Variants in SUGCT observed in about 807,000 individuals in gnomAD.
The protein encoded by SUGCT is succinyl-CoA:glutarate-CoA transferase.
SUGCT carries 41 observed loss-of-function variants against 55.0 expected under a neutral mutation model. The observed-to-expected ratio is 0.74, with a 90% CI of 0.58 to 0.97. The LOEUF is 0.97. Among genes scored for constraint, SUGCT ranks in the 50% least tolerant of loss-of-function variants. The pLI, the probability that SUGCT is intolerant of heterozygous loss-of-function variation, is 0.00. For synonymous variants in SUGCT, 187 were observed against 200.4 expected (o/e 0.93, Z 0.56); for missense variants, 568 against 547.8 (o/e 1.04, Z -0.37).
chr7:40,313,811 C>T (rs192442063), intron 8 of SUGCT, among the ~76,000 whole-genome samples: 5 of 151,194 alleles, frequency 3.3e-5, no homozygotes, highest in African/African-American at 9.7e-5. Flanking sequence ...AGGTGGGTCT[C>T]GAACTCCTGG....
chr7:40,156,043 G>C (rs1783877266), intron 1 of SUGCT, among the ~76,000 whole-genome samples: 1 of 151,972 alleles, frequency 6.6e-6, no homozygotes, highest in South Asian at 2.1e-4. Context: ...TTTTAGTAGG[G>C]ACGGGGTTTC....
intron 9 of SUGCT, among the ~76,000 whole-genome samples, chr7:40,371,618 A>G (rs1471600711): frequency 6.6e-6 from 1 of 152,178 alleles, no homozygotes; most frequent in Non-Finnish European, 1.5e-5. Flanking sequence ...TACATTGTTT[A>G]AAAATATTAC....
At chr7:40,658,254 C>A (rs1801125228) in intron 12 of SUGCT, among the ~76,000 whole-genome samples, 2 of 152,162 alleles carry the variant, frequency 1.3e-5, no homozygotes, top group African/African-American at 4.8e-5. Context: ...ATTGAGGAGT[C>A]TCAACTCTGA....
intron 9 of SUGCT, among the ~76,000 whole-genome samples, chr7:40,349,394 G>A (rs979697102): frequency 3.9e-5 from 6 of 151,994 alleles, no homozygotes; most frequent in African/African-American, 1.2e-4. Flanking sequence ...TGTTGCCCAG[G>A]CTGGAGTGCA....
intron 3 of SUGCT, among the ~76,000 whole-genome samples, chr7:40,183,749 T>G (rs1255572125): frequency 6.6e-6 from 1 of 152,226 alleles, no homozygotes; most frequent in East Asian, 1.9e-4. Flanking sequence ...ATCTGACATC[T>G]TTCCTGTTCT....
intron 1 of SUGCT, among the ~76,000 whole-genome samples, chr7:40,173,707 C>T (rs1472187197): frequency 2.0e-5 from 3 of 152,026 alleles, no homozygotes; most frequent in Non-Finnish European, 4.4e-5. Flanking sequence ...GTCACCTTCC[C>T]AGCTAGTCTT....
At chr7:40,834,296 G>A (rs1792849742) in intron 13 of SUGCT, among the ~76,000 whole-genome samples, 1 of 152,062 alleles carries the variant, frequency 6.6e-6, no homozygotes, top group Admixed American at 6.5e-5. Flanking sequence ...AAAGACATAC[G>A]CTTGGACCCC....
At chr7:40,499,234 GA>G (rs1379070465) in intron 12 of SUGCT, 4 of 396,416 alleles carry the variant, frequency 1.0e-5, no homozygotes, top group Non-Finnish European at 2.1e-5. Context: ...TTGATAAAGT[GA>G]AAAGGGGTAT....
intron 12 of SUGCT, among the ~76,000 whole-genome samples, chr7:40,542,345 T>G (rs1794737110): frequency 1.3e-5 from 2 of 152,124 alleles, no homozygotes; most frequent in South Asian, 4.1e-4. Flanking sequence ...CCTAGAGTCA[T>G]GAGGAACAGC....
At chr7:40,624,772 A>AACACACACACACACAC (rs71791486) in intron 12 of SUGCT, among the ~76,000 whole-genome samples, 12 of 137,394 alleles carry the variant, frequency 8.7e-5, no homozygotes, top group African/African-American at 3.1e-4. Flanking sequence ...TTTCTGTGCA[A>AACACACACACACACAC]ACACACACAC....
Position 40,820,262 on chromosome 7 carries a change from C to T in SUGCT, c.1154-40054C>T, listed in dbSNP as rs555676591. On this transcript the variant is annotated intron_variant, in intron 13 of 13. Transcript: ENST00000335693. ...GACAATGTGGGCTCTTTTTTGGTTC[C>T]ATATGAACTTTAAAGTAGTTTTTTT... Among the ~76,000 whole-genome samples the T allele has an allele frequency of 1.9e-3, 279 of 144,062 alleles. 1 individual carries two copies. Among genetic ancestry groups the T allele is most frequent in the African/African-American group, 6.6e-3 (267 of 40,598 alleles). The allele number at this position is 144,062 out of a possible 152,430, so 94.5% of individuals were successfully genotyped here. A position where few individuals can be genotyped will look rare whatever the true frequency, so the allele number is the denominator to read the frequency against.
chr7:40,141,710 CTTTT>C (rs61007273), intron 1 of SUGCT: 28 of 150,110 alleles, frequency 1.9e-4, no homozygotes, highest in South Asian at 2.7e-4. Context: ...AGAGGGAATT[CTTTT>C]TTTTTTTTTT....
chr7:40,970,493 G>A, the SUGCT span, among the ~76,000 whole-genome samples: 1 of 152,160 alleles, frequency 6.6e-6, no homozygotes, highest in Non-Finnish European at 1.5e-5. Flanking sequence ...TTTTAACTAT[G>A]TATTTTTTTC....
intron 1 of SUGCT, among the ~76,000 whole-genome samples, chr7:40,144,786 T>G (rs1788160262): frequency 6.6e-6 from 1 of 152,206 alleles, no homozygotes; most frequent in Admixed American, 6.5e-5. Flanking sequence ...CCTATTTTTA[T>G]TAGTTTTTAG....
chr7:40,551,620 A>T (rs967049084), intron 12 of SUGCT, among the ~76,000 whole-genome samples: 2 of 152,202 alleles, frequency 1.3e-5, no homozygotes, highest in African/African-American at 4.8e-5. Context: ...GGGCACCATA[A>T]GTGATCACTC....
chr7:40,899,985 G>A, the SUGCT span, among the ~76,000 whole-genome samples: 2 of 152,156 alleles, frequency 1.3e-5, no homozygotes, highest in Non-Finnish European at 2.9e-5. Flanking sequence ...GGGGGGTAGT[G>A]GGTGGGCCCT....
At chr7:40,839,866 T>C (rs761144294) in intron 13 of SUGCT, among the ~76,000 whole-genome samples, 1 of 152,146 alleles carries the variant, frequency 6.6e-6, no homozygotes, top group African/African-American at 2.4e-5. Flanking sequence ...AGACCAGTGA[T>C]GTGCCAGTGA....
chr7:40,742,322 T>A (rs1270015373), intron 12 of SUGCT, among the ~76,000 whole-genome samples: 1 of 152,200 alleles, frequency 6.6e-6, no homozygotes, highest in Non-Finnish European at 1.5e-5. Flanking sequence ...CTTTTACATG[T>A]GATCTTCATT....
chr7:40,953,097 C>T, the SUGCT span, among the ~76,000 whole-genome samples: 19 of 152,284 alleles, frequency 1.2e-4, no homozygotes, highest in South Asian at 6.2e-4. Flanking sequence ...ACCAATCAGA[C>T]GTAGATTTGG....
Sources: gnomAD v4.1 joint callset for allele counts (sites outside exome capture counted in the v4.1 genomes callset) on GRCh38, gnomAD v4.1.1 for gene constraint, MANE v1.5 for transcripts, NCBI Gene and HGNC (gene_info 2026-07-23, HGNC 2026-07-21) for gene names.